Variants in MED13L observed in about 807,000 individuals in gnomAD.
MED13L encodes the protein mediator complex subunit 13L.
A neutral mutation model predicts 220.9 loss-of-function variants in MED13L; 7 were observed. The observed-to-expected ratio is 0.03, with a 90% CI of 0.02 to 0.06. MED13L has a LOEUF of 0.06. MED13L is among the 10% of genes least tolerant of loss of function. The probability of loss-of-function intolerance (pLI) is 1.00; values close to 1 mark genes in which losing one functional copy is unlikely to be tolerated. For synonymous variants in MED13L, 1,011 were observed against 1,015.2 expected, an observed-to-expected ratio of 1.00 and a Z score of 0.08; for missense variants, 1,965 against 2,760.5, an observed-to-expected ratio of 0.71 and a Z score of 6.46.
chr12:116,184,156 G>A (rs1197220576), intron 2 of MED13L, among the ~76,000 whole-genome samples: 1 of 152,142 alleles, frequency 6.6e-6, no homozygotes, highest in Non-Finnish European at 1.5e-5. Flanking sequence ...AGAACACAAT[G>A]AAGAAGGCTA....
chr12:116,217,110 T>C (rs1012355086), intron 2 of MED13L, among the ~76,000 whole-genome samples: 6 of 152,172 alleles, frequency 3.9e-5, no homozygotes, highest in African/African-American at 1.4e-4. Context: ...CCTAACCCAA[T>C]TGTGCTGGGA....
intron 4 of MED13L, among the ~76,000 whole-genome samples, chr12:116,079,414 G>A (rs983417961): frequency 7.2e-5 from 11 of 151,940 alleles, no homozygotes; most frequent in African/African-American, 2.4e-4. Flanking sequence ...ATGGGGGAGG[G>A]GGGGTCTCAC....
chr12:116,040,622 C>G (rs927603984), intron 4 of MED13L, among the ~76,000 whole-genome samples: 1 of 152,040 alleles, frequency 6.6e-6, no homozygotes, highest in Non-Finnish European at 1.5e-5. Flanking sequence ...ATGACTCAGA[C>G]GGACTTATTT....
intron 2 of MED13L, among the ~76,000 whole-genome samples, chr12:116,123,865 T>C (rs1875310198): frequency 6.6e-6 from 1 of 152,036 alleles, no homozygotes; most frequent in Admixed American, 6.6e-5. Flanking sequence ...ACACGATTCA[T>C]TAGACACGCC....
intron 2 of MED13L, among the ~76,000 whole-genome samples, chr12:116,120,520 C>G (rs1022790071): frequency 2.1e-5 from 3 of 143,862 alleles, no homozygotes; most frequent in African/African-American, 7.7e-5. Flanking sequence ...CACACACACA[C>G]AGAGTAAGAT....
intron 28 of MED13L, 123 bp downstream of exon 28, chr12:115,968,817 C>T: frequency 8.0e-7 from 1 of 1,248,340 alleles, no homozygotes; most frequent in Non-Finnish European, 1.2e-6. Flanking sequence ...ACTTATTTCT[C>T]TTGTACCAAG....
At chr12:116,105,781 T>C (rs192303894) in intron 3 of MED13L, among the ~76,000 whole-genome samples, 5 of 152,316 alleles carry the variant, frequency 3.3e-5, no homozygotes, top group African/African-American at 1.2e-4. Context: ...GTATACTATA[T>C]AAATAAATGC....
intron 28 of MED13L, among the ~76,000 whole-genome samples, chr12:115,968,529 C>G (rs956734329): frequency 6.6e-6 from 1 of 152,170 alleles, no homozygotes; most frequent in Non-Finnish European, 1.5e-5. Context: ...CCATCACCAA[C>G]GTGTTCTTCA....
chr12:116,239,077 A>G (rs1870369885), intron 1 of MED13L, among the ~76,000 whole-genome samples: 1 of 152,166 alleles, frequency 6.6e-6, no homozygotes, highest in Admixed American at 6.6e-5. Flanking sequence ...CCTGAGTGAC[A>G]TGCCACAGCA....
chr12:116,188,756 C>A (rs888224593), intron 2 of MED13L, among the ~76,000 whole-genome samples: 11 of 152,064 alleles, frequency 7.2e-5, no homozygotes, highest in African/African-American at 2.7e-4. Context: ...CCTCCTAAAC[C>A]CCGACAACTA....
intron 2 of MED13L, among the ~76,000 whole-genome samples, chr12:116,176,798 CAAGGGGGAGG>C (rs1880096220): frequency 7.1e-6 from 1 of 141,410 alleles, no homozygotes; most frequent in Non-Finnish European, 1.5e-5. Flanking sequence ...TGAGAAAAAG[CAAGGGGGAGG>C]AAGGGGAGGC....
At chr12:116,272,259 G>C (rs895816162) in intron 1 of MED13L, among the ~76,000 whole-genome samples, 2 of 152,060 alleles carry the variant, frequency 1.3e-5, no homozygotes, top group Non-Finnish European at 2.9e-5. Flanking sequence ...AAGTGGTAAG[G>C]AATACAATTA....
At chr12:116,122,932 A>G (rs1009230150) in intron 2 of MED13L, among the ~76,000 whole-genome samples, 2 of 152,218 alleles carry the variant, frequency 1.3e-5, no homozygotes, top group African/African-American at 4.8e-5. Flanking sequence ...CAACTGCTAC[A>G]GAAAACAGGC....
chr12:116,275,529 T>C (rs1047716083), intron 1 of MED13L, among the ~76,000 whole-genome samples: 8 of 152,320 alleles, frequency 5.3e-5, no homozygotes, highest in East Asian at 1.9e-4. Context: ...ACACTTTCAT[T>C]TGAAAAGTTG....
intron 4 of MED13L, among the ~76,000 whole-genome samples, chr12:116,050,985 A>G (rs1332750435): frequency 6.6e-6 from 1 of 152,258 alleles, no homozygotes; most frequent in East Asian, 1.9e-4. Context: ...CTTCAAATAT[A>G]AGTGCTCATT....
chr12:115,976,954 A>G (rs944480183), intron 23 of MED13L, among the ~76,000 whole-genome samples: 2 of 152,180 alleles, frequency 1.3e-5, no homozygotes, highest in Non-Finnish European at 2.9e-5. Context: ...GGAGCCCAGG[A>G]GTTCAAGACC....
At chr12:116,147,618 AAGAC>A (rs1877635346) in intron 2 of MED13L, among the ~76,000 whole-genome samples, 1 of 152,170 alleles carries the variant, frequency 6.6e-6, no homozygotes, top group African/African-American at 2.4e-5. Context: ...GACTCTGCTA[AAGAC>A]ATCTTGACAG....
intron 2 of MED13L, among the ~76,000 whole-genome samples, chr12:116,159,161 T>C (rs1390760297): frequency 1.3e-5 from 2 of 152,208 alleles, no homozygotes; most frequent in Non-Finnish European, 1.5e-5. Context: ...CAGTATTCTA[T>C]TTATTTAGAA....
chr12:116,041,218 CAG>C (rs903676535), intron 4 of MED13L, among the ~76,000 whole-genome samples: 2 of 152,158 alleles, frequency 1.3e-5, no homozygotes, highest in Non-Finnish European at 2.9e-5. Flanking sequence ...GTTCTCATGA[CAG>C]AGTTACTTCT....
Sources: allele counts gnomAD v4.1 joint callset (sites outside exome capture counted in the v4.1 genomes callset), GRCh38; gene constraint gnomAD v4.1.1; transcripts MANE v1.5; gene names NCBI Gene and HGNC (gene_info 2026-07-23, HGNC 2026-07-21).